Variants in LRBA observed in about 807,000 individuals in gnomAD.
LRBA encodes lipopolysaccharide-responsive and beige-like anchor protein.
A neutral mutation model predicts 330.0 loss-of-function variants in LRBA; 176 were observed. The observed-to-expected ratio is 0.53, with a 90% CI of 0.47 to 0.60. LRBA has a LOEUF of 0.60. Ranked by LOEUF, LRBA falls within the 20% of genes least tolerant of loss-of-function variation. LRBA has a pLI of 0.00. For missense variants in LRBA, 3,259 were observed against 3,444.8 expected, an observed-to-expected ratio of 0.95 and a Z score of 1.35; for synonymous variants, 1,230 against 1,193.0, an observed-to-expected ratio of 1.03 and a Z score of -0.64.
intron 42 of LRBA, among the ~76,000 whole-genome samples, chr4:150,483,879 AT>A (rs1757578316): frequency 1.3e-5 from 2 of 151,978 alleles, no homozygotes; most frequent in Non-Finnish European, 2.9e-5. Context: ...ATATGTATTT[AT>A]TTTTTGATAG....
At chr4:150,636,556 G>C (rs1777932056) in intron 37 of LRBA, among the ~76,000 whole-genome samples, 2 of 152,140 alleles carry the variant, frequency 1.3e-5, no homozygotes, top group Admixed American at 1.3e-4. Flanking sequence ...GGTTTCAATG[G>C]AGAAGATCAA....
intron 22 of LRBA, among the ~76,000 whole-genome samples, chr4:150,859,934 G>A (rs1418711101): frequency 6.6e-6 from 1 of 152,088 alleles, no homozygotes; most frequent in Non-Finnish European, 1.5e-5. Flanking sequence ...TATATTTTTA[G>A]AGAAAAGAAA....
chr4:150,966,142 T>C (rs921368880), intron 2 of LRBA, among the ~76,000 whole-genome samples: 2 of 152,074 alleles, frequency 1.3e-5, no homozygotes, highest in African/African-American at 4.8e-5. Flanking sequence ...ATTTTGCCCC[T>C]GGAGAAAGGG....
At chr4:150,455,065 G>A (rs1232278829) in intron 44 of LRBA, among the ~76,000 whole-genome samples, 2 of 150,666 alleles carry the variant, frequency 1.3e-5, no homozygotes, top group Non-Finnish European at 2.9e-5. Context: ...ATGCTGGTGC[G>A]CTGCACCCAC....
intron 37 of LRBA, among the ~76,000 whole-genome samples, chr4:150,662,267 TTTGTA>T (rs1438207174): frequency 2.0e-5 from 3 of 152,200 alleles, no homozygotes; most frequent in African/African-American, 7.2e-5. Context: ...AGTTCAGAAT[TTTGTA>T]TTGATACTAT....
chr4:151,009,849 A>G (rs1041770085), intron 2 of LRBA, among the ~76,000 whole-genome samples: 1 of 151,844 alleles, frequency 6.6e-6, no homozygotes, highest in African/African-American at 2.4e-5. Context: ...GCGTGGTGGC[A>G]CGTGCCTGTA....
intron 2 of LRBA, among the ~76,000 whole-genome samples, chr4:151,002,687 T>A (rs1334880636): frequency 6.7e-6 from 1 of 149,722 alleles, no homozygotes; most frequent in African/African-American, 2.5e-5. Context: ...ACCAAAGAGA[T>A]AGATGATATT....
At chr4:150,822,255 T>C (rs1233252824) in intron 30 of LRBA, among the ~76,000 whole-genome samples, 1 of 152,184 alleles carries the variant, frequency 6.6e-6, no homozygotes, top group Non-Finnish European at 1.5e-5. Context: ...CACCTAAGCA[T>C]GATTTCCTAA....
chr4:150,444,076 G>A (rs1390594050), intron 44 of LRBA, among the ~76,000 whole-genome samples: 1 of 151,490 alleles, frequency 6.6e-6, no homozygotes, highest in Non-Finnish European at 1.5e-5. Flanking sequence ...TATCACCTTA[G>A]AAGAAGGCAT....
chr4:150,912,072 CTCT>C (rs994563704), intron 9 of LRBA, among the ~76,000 whole-genome samples: 1 of 151,856 alleles, frequency 6.6e-6, no homozygotes, highest in Non-Finnish European at 1.5e-5. Flanking sequence ...TATTTATGTG[CTCT>C]TCTTTTTTCC....
intron 38 of LRBA, among the ~76,000 whole-genome samples, chr4:150,596,143 A>T (rs1484599004): frequency 2.6e-5 from 4 of 151,788 alleles, no homozygotes; most frequent in Non-Finnish European, 4.4e-5. Flanking sequence ...AAATTACCTA[A>T]AGCTTTTTTC....
At position 151,004,827 on chromosome 4, in the gene LRBA, G is replaced by A. The variant is rs1054084860; in HGVS notation, c.216+9600C>T. Among the ~76,000 whole-genome samples the A allele has an allele frequency of 4.6e-5, 7 of 151,804 alleles. No individual in the cohort carries two copies. The East Asian group carries it at 1.2e-3, about 26-fold the overall frequency. ...ACAGTGAAACCCCATCTCTACTCAA[G>A]TACAAAAAATTAGCCAGGCATGGCG... On this transcript the variant is annotated intron_variant, in intron 2 of 56. Coordinates refer to ENST00000651943, the MANE Select transcript of LRBA (RefSeq NM_001364905.1).
intron 46 of LRBA, among the ~76,000 whole-genome samples, chr4:150,422,339 T>C (rs920697038): frequency 1.3e-5 from 2 of 152,144 alleles, no homozygotes; most frequent in South Asian, 4.1e-4. Flanking sequence ...GCTTTCTTTT[T>C]CCTTGCCCCA....
Position 150,844,200 on chromosome 4 carries a change from A to G in LRBA, c.4469T>C (p.Val1490Ala). The G allele has an allele frequency of 6.3e-7, 1 of 1,580,308 alleles. No individual in the cohort carries two copies. The highest frequency in any genetic ancestry group is 1.1e-5 in the South Asian group (1 of 88,158). The change falls in exon 28 of 57, where the codon GTG (valine) becomes GCG (alanine). Residue 1490 changes from valine to alanine, a missense_variant. By Grantham distance (64) the Val-to-Ala change is moderately conservative (BLOSUM62 0). Transcript: ENST00000651943. ...PLGKSAAKSP[V>A]DIVTGGISPV... ...AGATATACCGCCAGTCACAATGTCCACTGGGCTCTATTTAAGATTAAAAAA... is the reference window on the plus strand; with the variant it reads ...AGATATACCGCCAGTCACAATGTCCGCTGGGCTCTATTTAAGATTAAAAAA...
chr4:150,991,781 G>T (rs902521410), intron 2 of LRBA, among the ~76,000 whole-genome samples: 1 of 152,096 alleles, frequency 6.6e-6, no homozygotes, highest in East Asian at 1.9e-4. Flanking sequence ...AACTCAAAAG[G>T]GTGAATTTTA....
intron 20 of LRBA, among the ~76,000 whole-genome samples, chr4:150,868,867 G>T (rs1271859565): frequency 6.6e-6 from 1 of 152,128 alleles, no homozygotes; most frequent in Non-Finnish European, 1.5e-5. Flanking sequence ...GAACCCAGGA[G>T]GCAGAGGCTG....
At chr4:151,012,911 A>T (rs1184254819) in intron 2 of LRBA, 1 of 151,538 alleles carries the variant, frequency 6.6e-6, no homozygotes, top group Non-Finnish European at 1.5e-5. Flanking sequence ...CCTGGGTACA[A>T]GCAAGCGCAT....
chr4:150,844,089 T>C lies in LRBA; in HGVS notation c.4569+11A>G, dbSNP rs749977361. 1.4e-5 allele frequency: 21 copies of C among 1,496,662 alleles called. No individual in the cohort carries two copies. The highest frequency in any genetic ancestry group is 9.6e-5 in the African/African-American group (7 of 72,748). The allele number at this position is 1,496,662 out of a possible 1,614,324, so 92.7% of individuals were successfully genotyped here. A position where few individuals can be genotyped will look rare whatever the true frequency, so the allele number is the denominator to read the frequency against. ...GTTAAGAGAGTATGTGAAAGACATA[T>C]TGTAACTTACTATGTCTCTGAAAAC... On this transcript the variant is annotated intron_variant, in intron 28 of 56. Transcript: ENST00000651943.
intron 38 of LRBA, among the ~76,000 whole-genome samples, chr4:150,594,021 A>G (rs1773199576): frequency 6.6e-6 from 1 of 152,158 alleles, no homozygotes; most frequent in Admixed American, 6.5e-5. Context: ...TTAAAGTTTC[A>G]TTAAAAATTT....
Sources: allele counts gnomAD v4.1 joint callset (sites outside exome capture counted in the v4.1 genomes callset), GRCh38; gene constraint gnomAD v4.1.1; transcripts MANE v1.5; gene names NCBI Gene and HGNC (gene_info 2026-07-23, HGNC 2026-07-21).